Variants in SRPK2 observed in about 807,000 individuals in gnomAD.
SRPK2 encodes SRSF protein kinase 2.
SRPK2 carries 21 observed loss-of-function variants against 90.8 expected under a neutral mutation model. That is an observed-to-expected ratio of 0.23 (90% CI 0.16 to 0.33). SRPK2 has a LOEUF of 0.33. Among genes scored for constraint, SRPK2 ranks in the 10% least tolerant of loss-of-function variants. SRPK2 has a pLI of 1.00. For missense variants in SRPK2, 620 were observed against 869.0 expected (o/e 0.71, Z 3.60); for synonymous variants, 288 against 311.1 (o/e 0.93, Z 0.78).
In SRPK2 at chr7:105,323,967, T is replaced by TTGTGTGTGTGTG. The variant is rs58288208; in HGVS notation, c.71+64669_71+64680dup. Among the ~76,000 whole-genome samples, 626 of 133,856 alleles carry TTGTGTGTGTGTG rather than the reference T, an allele frequency of 4.7e-3. 4 individuals are homozygous for TTGTGTGTGTGTG. Among genetic ancestry groups the TTGTGTGTGTGTG allele is most frequent in the East Asian group, 8.2e-3 (39 of 4,756 alleles). 87.8% of individuals were successfully genotyped at this position (133,856 alleles called of 152,430 possible). A position where few individuals can be genotyped will look rare whatever the true frequency, so the allele number is the denominator to read the frequency against. ...AAAAAGACTTTGGTCAGACTATTCT[T>TTGTGTGTGTGTG]TGTGTGTGTGTGTGTGTGTGTGTGT... is the stretch of plus-strand genomic sequence containing the variant. On this transcript the variant is annotated intron_variant, in intron 2 of 15. Coordinates refer to ENST00000393651, the MANE Select transcript of SRPK2 (RefSeq NM_182692.3).
At chr7:105,280,654 AAAGG>A (rs1044978739) in intron 2 of SRPK2, among the ~76,000 whole-genome samples, 7 of 89,780 alleles carry the variant, frequency 7.8e-5, no homozygotes, top group Admixed American at 4.2e-4. Flanking sequence ...TCATTAAAAA[AAAGG>A]GGGGGGGGGC....
chr7:105,262,602 G>A (rs868029520), intron 2 of SRPK2, among the ~76,000 whole-genome samples: 5 of 152,098 alleles, frequency 3.3e-5, no homozygotes, highest in Non-Finnish European at 5.9e-5. Flanking sequence ...TAATACCCAC[G>A]GCCTCTAGTA....
chr7:105,323,651 T>C (rs560835131), intron 2 of SRPK2, among the ~76,000 whole-genome samples: 1 of 152,330 alleles, frequency 6.6e-6, no homozygotes, highest in East Asian at 1.9e-4. Context: ...GTGTACTAGA[T>C]GCTACATGCT....
chr7:105,380,455 A>G (rs891904564), intron 2 of SRPK2, among the ~76,000 whole-genome samples: 8 of 152,104 alleles, frequency 5.3e-5, no homozygotes, highest in African/African-American at 1.9e-4. Context: ...AAAAATGAAC[A>G]AAACCATGCA....
intron 2 of SRPK2, among the ~76,000 whole-genome samples, chr7:105,271,665 T>C (rs1805852712): frequency 6.6e-6 from 1 of 152,212 alleles, no homozygotes; most frequent in Non-Finnish European, 1.5e-5. Context: ...TAGAAAAGGC[T>C]TGGCTATCGA....
chr7:105,233,861 G>A (rs1033834333), intron 2 of SRPK2, among the ~76,000 whole-genome samples: 1 of 151,746 alleles, frequency 6.6e-6, no homozygotes, highest in African/African-American at 2.4e-5. Flanking sequence ...CAAAAAAAAT[G>A]AAAAATGAAA....
At position 105,166,435 on chromosome 7, in the gene SRPK2, T is replaced by A. The variant is rs541504521; in HGVS notation, c.514+942A>T. On this transcript the variant is annotated intron_variant, in intron 6 of 15. Transcript: ENST00000393651. Reference sequence around the variant, plus strand: ...TTAAGGTTATGTTTAAAAGTTCATATTTTTTTCAAAGATTCACAATGACAC... The same window carrying A: ...TTAAGGTTATGTTTAAAAGTTCATAATTTTTTCAAAGATTCACAATGACAC... 9.9e-4 allele frequency among the ~76,000 whole-genome samples: 151 copies of A among 152,338 alleles called. 4 individuals carry two copies. The highest frequency in any genetic ancestry group is 4.0e-4 in the Non-Finnish European group (27 of 68,020).
rs34789062 is a variant in SRPK2, at chr7:105,353,503, T to TTTGTTGTTGTTGTTG, written c.71+35130_71+35144dup. Reference sequence around the variant, plus strand: ...TACAGGAGCGTGCCATCCAGCCCAGTTTGTTGTTGTTGTTGTTGTTGTTGT... The same window carrying TTTGTTGTTGTTGTTG: ...TACAGGAGCGTGCCATCCAGCCCAGTTTGTTGTTGTTGTTGTTGTTGTTGTTGTTGTTGTTGTTGT... On this transcript the variant is annotated intron_variant, in intron 2 of 15. Coordinates refer to ENST00000393651, the MANE Select transcript of SRPK2 (RefSeq NM_182692.3). 8.2e-5 allele frequency among the ~76,000 whole-genome samples: 12 copies of TTTGTTGTTGTTGTTG among 146,194 alleles called. No individual in the cohort carries two copies. The East Asian group carries it at 1.4e-3, about 17-fold the overall frequency.
intron 2 of SRPK2, among the ~76,000 whole-genome samples, chr7:105,311,176 T>G (rs1811667887): frequency 6.6e-6 from 1 of 152,082 alleles, no homozygotes; most frequent in Admixed American, 6.6e-5. Context: ...TGTAAAGAAC[T>G]CTTACAACCC....
rs565409043 is a variant in SRPK2 at position 105,338,243 on chromosome 7, TTTTTG to T, written c.71+50400_71+50404del. On this transcript the variant is annotated intron_variant, in intron 2 of 15. Coordinates refer to ENST00000393651, the MANE Select transcript of SRPK2 (RefSeq NM_182692.3). ...AATTTAGTAAAAATTGTTACAAGTT[TTTTTG>T]TTTTGTTTTGTTTTTTGTTTTTGAG... 8.1e-4 allele frequency among the ~76,000 whole-genome samples: 123 copies of T among 152,220 alleles called. 1 individual carries two copies. The highest frequency in any genetic ancestry group is 2.1e-3 in the African/African-American group (87 of 41,546).
chr7:105,190,801 T>C (rs1794188411), intron 3 of SRPK2, among the ~76,000 whole-genome samples: 1 of 152,204 alleles, frequency 6.6e-6, no homozygotes, highest in South Asian at 2.1e-4. Context: ...GATTCTCCGA[T>C]TCATATTTCT....
chr7:105,254,661 G>GC (rs1315740157), intron 2 of SRPK2, among the ~76,000 whole-genome samples: 2 of 149,816 alleles, frequency 1.3e-5, no homozygotes, highest in African/African-American at 2.5e-5. Flanking sequence ...AAGTACATCT[G>GC]CTTGTTTTTT....
chr7:105,148,013 T>C (rs1288980736), intron 7 of SRPK2, among the ~76,000 whole-genome samples: 1 of 152,140 alleles, frequency 6.6e-6, no homozygotes, highest in Non-Finnish European at 1.5e-5. Flanking sequence ...TGAGGGGAGG[T>C]ATATACCTAG....
At chr7:105,239,313 A>G (rs1800513324) in intron 2 of SRPK2, among the ~76,000 whole-genome samples, 1 of 152,262 alleles carries the variant, frequency 6.6e-6, no homozygotes, top group Non-Finnish European at 1.5e-5. Flanking sequence ...GCTACAATTT[A>G]ACATCAGAAA....
At chr7:105,250,315 G>A (rs1460331121) in intron 2 of SRPK2, among the ~76,000 whole-genome samples, 1 of 151,900 alleles carries the variant, frequency 6.6e-6, no homozygotes, top group African/African-American at 2.4e-5. Context: ...ACTCCAGCCT[G>A]GGCAACGGGA....
intron 2 of SRPK2, among the ~76,000 whole-genome samples, chr7:105,239,216 A>T (rs2129622621): frequency 6.6e-6 from 1 of 152,382 alleles, no homozygotes; most frequent in South Asian, 2.1e-4. Context: ...GCACAATTTA[A>T]TCAGTTGTTA....
intron 2 of SRPK2, chr7:105,302,031 A>T (rs1203322364): frequency 6.4e-7 from 1 of 1,572,646 alleles, no homozygotes; most frequent in East Asian, 2.2e-5. Context: ...CGAGGCTGGA[A>T]CTGGGTTGAT....
At chr7:105,312,798 T>C (rs990147645) in intron 2 of SRPK2, among the ~76,000 whole-genome samples, 2 of 152,164 alleles carry the variant, frequency 1.3e-5, no homozygotes, top group East Asian at 1.9e-4. Flanking sequence ...ACAGTTGATA[T>C]GGGAATATTT....
rs1044474266 is a variant in SRPK2 at position 105,337,840 on chromosome 7, G to A, written c.71+50808C>T. Among the ~76,000 whole-genome samples, 10 of 152,064 alleles carry A rather than the reference G, an allele frequency of 6.6e-5. 1 individual carries two copies. The highest frequency in any genetic ancestry group is 2.4e-4 in the African/African-American group (10 of 41,472). On this transcript the variant is annotated intron_variant, in intron 2 of 15. Coordinates refer to ENST00000393651, the MANE Select transcript of SRPK2 (RefSeq NM_182692.3). ...CTATGGTATTTTGTTATGGCAGCCC[G>A]GGTCAACTAAGACAGTGATGTATAT...
Sources: gnomAD v4.1 joint callset for allele counts (sites outside exome capture counted in the v4.1 genomes callset) on GRCh38, gnomAD v4.1.1 for gene constraint, MANE v1.5 for transcripts, NCBI Gene and HGNC (gene_info 2026-07-23, HGNC 2026-07-21) for gene names.